Variants in EPHA2 observed in about 807,000 individuals in gnomAD.
EPHA2 encodes EPH receptor A2.
A neutral mutation model predicts 104.9 loss-of-function variants in EPHA2; 54 were observed. The observed-to-expected ratio is 0.51, with a 90% CI of 0.41 to 0.65. The LOEUF is 0.65. EPHA2 is among the 30% of genes least tolerant of loss of function. EPHA2 has a pLI of 0.00. For synonymous variants in EPHA2, 560 were observed against 559.1 expected (o/e 1.00, Z -0.02); for missense variants, 1,117 against 1,369.5 (o/e 0.82, Z 2.91).
intron 3 of EPHA2, among the ~76,000 whole-genome samples, chr1:16,142,721 G>T (rs574463309): frequency 3.1e-4 from 47 of 149,758 alleles, no homozygotes; most frequent in Admixed American, 6.0e-4. Flanking sequence ...TGGATGGATG[G>T]ATGTATGGAT....
Position 16,135,562 on chromosome 1 carries a change from C to T in EPHA2, c.1428+93G>A, listed in dbSNP as rs776747933. On this transcript the variant is annotated intron_variant, in intron 6 of 16. Transcript: ENST00000358432. This position sits in a 1 kb window ranked among gnomAD's most constrained non-coding sequence, Gnocchi z 4.3. Reference sequence around the variant, plus strand: ...CCCCATCTGCAGAAGGGTGCTTCTTCAGATGGCTGGGTGGTTTGGTGATCA... The same window carrying T: ...CCCCATCTGCAGAAGGGTGCTTCTTTAGATGGCTGGGTGGTTTGGTGATCA... 2.9e-5 allele frequency: 37 copies of T among 1,260,408 alleles called. No individual in the cohort carries two copies. Among genetic ancestry groups the T allele is most frequent in the Non-Finnish European group, 4.0e-5 (34 of 860,702 alleles). The allele number at this position is 1,260,408 out of a possible 1,614,324, so 78.1% of individuals were successfully genotyped here.
rs947983765 is a variant in EPHA2 at position 16,151,832 on chromosome 1, C to A, written c.86-869G>T. Among the ~76,000 whole-genome samples the A allele has an allele frequency of 4.6e-5, 7 of 152,298 alleles. No individual in the cohort carries two copies. The South Asian group carries it at 1.2e-3, about 27-fold the overall frequency. On this transcript the variant is annotated intron_variant, in intron 1 of 16. Coordinates refer to ENST00000358432, the MANE Select transcript of EPHA2 (RefSeq NM_004431.5). ...TAGGCCCAGAGACCAGGTGTCAGGA[C>A]CATCCTGTTCCCAGAGAGGCAACTG...
chr1:16,148,341 A>C lies in EPHA2; in HGVS notation c.823+37T>G. Reference sequence around the variant, plus strand: ...GCTAAAGACCAGAACCTGGGAATGCAGAACCCCCTTCCCTGCAACCCAGAA... The same window carrying C: ...GCTAAAGACCAGAACCTGGGAATGCCGAACCCCCTTCCCTGCAACCCAGAA... On this transcript the variant is annotated intron_variant, in intron 3 of 16. Coordinates refer to ENST00000358432, the MANE Select transcript of EPHA2 (RefSeq NM_004431.5). This position sits in a 1 kb window ranked among gnomAD's most constrained non-coding sequence, Gnocchi z 4.9. 3.3e-5 allele frequency: 52 copies of C among 1,583,148 alleles called. No individual in the cohort carries two copies. Among genetic ancestry groups the C allele is most frequent in the Non-Finnish European group, 4.2e-5 (49 of 1,167,376 alleles).
chr1:16,154,707 G>T (rs2025115725), intron 1 of EPHA2, among the ~76,000 whole-genome samples: 1 of 126,124 alleles, frequency 7.9e-6, no homozygotes, highest in Non-Finnish European at 1.6e-5. Context: ...AGTGAGCCGA[G>T]ATTGCGCCAT....
At position 16,132,210 on chromosome 1, in the gene EPHA2, T is replaced by C. The variant is rs758494317; in HGVS notation, c.2179A>G (p.Met727Val). ...VGMLRGIAAG[M>V]KYLANMNYVH... is the part of the protein sequence containing the mutation. The stretch of plus-strand genomic sequence containing the variant: ...TAGTTCATGTTGGCCAGGTACTTCA[T>C]GCCAGCTGCGATGCCCCGCAGCATG... Residue 727 changes from methionine to valine, a missense_variant, in exon 13 of 17, where the codon ATG becomes GTG. By Grantham distance (21) the Met-to-Val change is conservative. This residue lies in a region of EPHA2 where 340 missense variants were observed against 480.5 expected (regional missense o/e 0.71). Transcript: ENST00000358432. 1.2e-6 allele frequency: 2 copies of C among 1,614,192 alleles called. No individual in the cohort carries two copies. Among genetic ancestry groups the C allele is most frequent in the Admixed American group, 1.7e-5 (1 of 60,032 alleles).
intron 16 of EPHA2, among the ~76,000 whole-genome samples, chr1:16,127,726 G>A (rs1385340250): frequency 6.6e-6 from 1 of 152,218 alleles, no homozygotes; most frequent in African/African-American, 2.4e-5. Flanking sequence ...CTGAGCACCA[G>A]TGGCTGGTGG....
rs890332475 is a variant in EPHA2 at position 16,134,625 on chromosome 1, C to T, written c.1583-58G>A. ...TTCCCCCACAAATTACAGCAACACC[C>T]GCGCTGCACCCAAGACACCTGGGCC... On this transcript the variant is annotated intron_variant, in intron 7 of 16. Transcript: ENST00000358432. The surrounding 1 kb of genome is among the most constrained non-coding windows in gnomAD (Gnocchi z 4.5). The T allele has an allele frequency of 8.3e-5, 130 of 1,558,564 alleles. No individual in the cohort carries two copies. The highest frequency in any genetic ancestry group is 1.0e-4 in the Non-Finnish European group (118 of 1,139,916).
chr1:16,149,525 C>T (rs576597201), intron 2 of EPHA2, among the ~76,000 whole-genome samples: 45 of 152,170 alleles, frequency 3.0e-4, no homozygotes, highest in Non-Finnish European at 5.1e-4. Context: ...TGTTGGCAAA[C>T]GCAGGAGTGG....
At chr1:16,133,627 G>A (rs2024623232) in intron 9 of EPHA2, 21 bp from the exon 10 acceptor site, 1 of 1,613,384 alleles carries the variant, frequency 6.2e-7, no homozygotes, top group African/African-American at 1.3e-5. Context: ...AAGGGGTGGG[G>A]TCACAGGCAG....
chr1:16,153,056 C>T, intron 1 of EPHA2: 1 of 938,292 alleles, frequency 1.1e-6, no homozygotes, highest in South Asian at 4.9e-5. Flanking sequence ...ACCCAGACGG[C>T]TTCCTGGAGA....
At chr1:16,147,256 G>A (rs1170614574) in intron 3 of EPHA2, among the ~76,000 whole-genome samples, 1 of 152,186 alleles carries the variant, frequency 6.6e-6, no homozygotes, top group African/African-American at 2.4e-5. Flanking sequence ...CATCTATAGA[G>A]GCCCCAGTGG....
At chr1:16,141,700 G>A (rs1173129094) in intron 3 of EPHA2, among the ~76,000 whole-genome samples, 1 of 152,252 alleles carries the variant, frequency 6.6e-6, no homozygotes, top group Non-Finnish European at 1.5e-5. Flanking sequence ...CCGTGTGGCT[G>A]CTTCTATGCC....
chr1:16,152,156 G>A (rs888795864), intron 1 of EPHA2, among the ~76,000 whole-genome samples: 4 of 152,202 alleles, frequency 2.6e-5, no homozygotes, highest in Non-Finnish European at 5.9e-5. Flanking sequence ...CTTCCTTTGG[G>A]CCCTGGAGCA....
intron 3 of EPHA2, among the ~76,000 whole-genome samples, chr1:16,139,002 G>A (rs893579469): frequency 7.2e-5 from 11 of 152,210 alleles, no homozygotes; most frequent in African/African-American, 2.4e-4. Flanking sequence ...CTTTCCATCC[G>A]GGGCTGACCA....
intron 3 of EPHA2, among the ~76,000 whole-genome samples, chr1:16,147,286 A>G (rs144682095): frequency 6.6e-6 from 1 of 152,262 alleles, no homozygotes; most frequent in East Asian, 1.9e-4. Flanking sequence ...AGAGGTCCCA[A>G]TGGGAAATTT....
chr1:16,137,692 A>G (rs896086047), intron 5 of EPHA2, among the ~76,000 whole-genome samples, 161 bp downstream of exon 5: 2 of 152,258 alleles, frequency 1.3e-5, no homozygotes, highest in African/African-American at 4.8e-5. Flanking sequence ...GGCTGGGGCC[A>G]CATGTGGCCC....
chr1:16,138,696 G>A (rs912380463), intron 3 of EPHA2, among the ~76,000 whole-genome samples: 3 of 152,126 alleles, frequency 2.0e-5, no homozygotes, highest in Non-Finnish European at 2.9e-5. Context: ...GAAGCACCAC[G>A]CCCCTGAGCC....
rs748927617 is a variant in EPHA2 at position 16,133,373 on chromosome 1, GGGCAGACA to G, written c.1865-13_1865-6del. 6.2e-7 allele frequency: 1 copy of G among 1,613,814 alleles called. No homozygotes were observed. The highest frequency in any genetic ancestry group is 1.1e-5 in the South Asian group (1 of 91,088). ...TGTACACCTCCCCAAACTCTCCTGT[GGGCAGACA>G]GGGTCAGGGGAGTGCCCTGGTCAGC... is the stretch of plus-strand genomic sequence containing the variant. On this transcript the variant is annotated splice_region_variant and splice_polypyrimidine_tract_variant and intron_variant, in intron 10 of 16. Transcript: ENST00000358432.
intron 1 of EPHA2, chr1:16,155,497 C>A (rs565789287): frequency 2.4e-4 from 62 of 256,774 alleles, no homozygotes; most frequent in African/African-American, 1.2e-3. Context: ...GCTGAGCCCG[C>A]GGAAAGCTGC....
Sources: gnomAD v4.1 joint callset for allele counts (sites outside exome capture counted in the v4.1 genomes callset) on GRCh38, gnomAD v4.1.1 for gene constraint, gnomAD v4.1.1 regional missense constraint, Gnocchi (gnomAD v3.1) non-coding constraint, MANE v1.5 for transcripts, NCBI Gene and HGNC (gene_info 2026-07-23, HGNC 2026-07-21) for gene names.